Variants in ZMAT1 observed in about 807,000 individuals in gnomAD.
The protein encoded by ZMAT1 is zinc finger matrin-type 1, also known as zinc finger matrin-type protein 1.
In ZMAT1, 11 loss-of-function variants were observed where a neutral mutation model predicts 18.5. That is an observed-to-expected ratio of 0.59 (90% confidence interval 0.37 to 0.98). The LOEUF (loss-of-function observed/expected upper bound fraction) is 0.98, where lower values mean the gene tolerates loss of function less well. Ranked by LOEUF, ZMAT1 falls within the 50% of genes least tolerant of loss-of-function variation. The pLI, the probability that ZMAT1 is intolerant of heterozygous loss-of-function variation, is 0.01. For synonymous variants in ZMAT1, 211 were observed against 176.4 expected (o/e 1.20, Z -1.55); for missense variants, 525 against 496.2 (o/e 1.06, Z -0.55).
chrX:101,921,054 T>C (rs946970489), intron 1 of ZMAT1, among the ~76,000 whole-genome samples: 16 of 111,323 alleles, frequency 1.4e-4, no homozygotes, highest in African/African-American at 5.2e-4. Context: ...TAAATGTACA[T>C]CTTTTTTGCA....
intron 1 of ZMAT1, among the ~76,000 whole-genome samples, chrX:101,907,919 G>GTGCCTA (rs1928726214): frequency 9.0e-6 from 1 of 111,452 alleles, no homozygotes; most frequent in Non-Finnish European, 1.9e-5. Flanking sequence ...CAGAGCAGGA[G>GTGCCTA]TACCTATACC....
At chrX:101,918,837 G>GA (rs1311197286) in intron 1 of ZMAT1, among the ~76,000 whole-genome samples, 1 of 109,841 alleles carries the variant, frequency 9.1e-6, no homozygotes, top group Non-Finnish European at 1.9e-5. Flanking sequence ...GTCAAAGTTT[G>GA]AAACTGACAC....
Position 101,931,910 on chromosome X carries a change from G to A in ZMAT1, c.99C>T (p.Cys33=). The A allele has an allele frequency of 1.2e-6, 1 of 800,407 alleles. No individual in the cohort carries two copies. The highest frequency in any genetic ancestry group is 1.5e-6 in the Non-Finnish European group (1 of 671,926). The allele number at this position is 800,407 out of a possible 1,213,427, so 66.0% of individuals were successfully genotyped here. The change falls in exon 1 of 6, where the codon TGC becomes TGT. Residue 33 remains cysteine (C), a synonymous_variant. Coordinates refer to ENST00000651725, the MANE Select transcript of ZMAT1 (RefSeq NM_001394560.1). The part of the protein sequence containing the change: ...SAASSSSYTA[C]AAAAAAAAAA... The stretch of plus-strand genomic sequence containing the variant: ...CCGCCGCCGCCGCCGCCGCTGCCGC[G>A]CAGGCGGTGTAGGAGGAGGAGGAGG...
At chrX:101,927,368 T>C (rs1037904528) in intron 1 of ZMAT1, among the ~76,000 whole-genome samples, 4 of 112,124 alleles carry the variant, frequency 3.6e-5, no homozygotes, top group South Asian at 7.4e-4. Context: ...CTCAGCATGA[T>C]GACCACTCAC....
At chrX:101,885,048 C>G (rs1021957890) in intron 5 of ZMAT1, among the ~76,000 whole-genome samples, 2 of 111,104 alleles carry the variant, frequency 1.8e-5, no homozygotes, top group African/African-American at 6.5e-5. Flanking sequence ...TCATGACTTT[C>G]TATGCCCCCC....
chrX:101,884,825 T>C lies in ZMAT1; in HGVS notation c.777-4A>G, dbSNP rs765537721. ...TAGATTGATAACAATGGATTCTCTG[T>C]AAAGAAGACAGTAGAAAATTGTTAT... On this transcript the variant is annotated splice_region_variant and splice_polypyrimidine_tract_variant and intron_variant, in intron 5 of 5. Coordinates refer to ENST00000651725, the MANE Select transcript of ZMAT1 (RefSeq NM_001394560.1). The C allele has an allele frequency of 1.9e-6, 2 of 1,027,668 alleles. No individual in the cohort carries two copies. Among genetic ancestry groups the C allele is most frequent in the Non-Finnish European group, 2.7e-6 (2 of 748,562 alleles). 84.7% of individuals were successfully genotyped at this position (1,027,668 alleles called of 1,213,427 possible). A position where few individuals can be genotyped will look rare whatever the true frequency, so the allele number is the denominator to read the frequency against.
chrX:101,931,877 TGCCGCCGCCGCCGCCGCCGCC>T lies in ZMAT1; in HGVS notation c.111_131del (p.Ala38_Ala44del). On this transcript the variant is annotated inframe_deletion, in exon 1 of 6. Transcript: ENST00000651725. ...TGGCGGAGGAGGCAGGAACAATTACTGCCGCCGCCGCCGCCGCCGCCGCCGCTGCCGCGCAGGCGGTGTAGG... is the reference window on the plus strand; with the variant it reads ...TGGCGGAGGAGGCAGGAACAATTACTGCCGCTGCCGCGCAGGCGGTGTAGG... 1.3e-6 allele frequency: 1 copy of T among 795,730 alleles called. No individual in the cohort carries two copies. The highest frequency in any genetic ancestry group is 1.5e-6 in the Non-Finnish European group (1 of 669,678). 65.6% of individuals were successfully genotyped at this position (795,730 alleles called of 1,213,427 possible).
intron 1 of ZMAT1, among the ~76,000 whole-genome samples, chrX:101,927,882 T>C (rs1364406147): frequency 1.8e-5 from 2 of 112,437 alleles, no homozygotes; most frequent in African/African-American, 3.2e-5. Context: ...AGTTAGTCTT[T>C]ACAACAAGCT....
intron 1 of ZMAT1, among the ~76,000 whole-genome samples, chrX:101,928,048 A>G (rs1393748331): frequency 8.9e-6 from 1 of 112,295 alleles, no homozygotes; most frequent in African/African-American, 3.2e-5. Flanking sequence ...CATTAGATTT[A>G]CAGTATAATT....
At position 101,883,750 on chromosome X, in the gene ZMAT1, A is replaced by G; in HGVS notation, c.1848T>C (p.His616=). The G allele has an allele frequency of 9.2e-6, 11 of 1,201,878 alleles. No individual in the cohort carries two copies. The highest frequency in any genetic ancestry group is 1.2e-5 in the Non-Finnish European group (11 of 892,444). ...TATCTTCATAACTCTTTTTCCTTTT[A>G]TGCTTGGACTGCTCTTTCTCTGGCC... is the stretch of plus-strand genomic sequence containing the variant. ...KERPEKEQSK[H]KRKKSYEDTD... The change falls in exon 6 of 6, where the codon CAT becomes CAC. Residue 616 remains histidine, a synonymous_variant. Coordinates refer to ENST00000651725, the MANE Select transcript of ZMAT1 (RefSeq NM_001394560.1).
At chrX:101,911,514 C>T in intron 1 of ZMAT1, 1 of 959,888 alleles carries the variant, frequency 1.0e-6, no homozygotes, top group Non-Finnish European at 1.4e-6. Flanking sequence ...GTAAAAACAA[C>T]AAAAAGTTAA....
intron 1 of ZMAT1, among the ~76,000 whole-genome samples, chrX:101,917,785 G>A (rs766465872): frequency 6.5e-4 from 73 of 112,536 alleles, no homozygotes; most frequent in African/African-American, 2.2e-3. Context: ...GGAAGCAACC[G>A]AAGTGTCCAC....
At position 101,884,127 on chromosome X, in the gene ZMAT1, T is replaced by C. The variant is rs746212985; in HGVS notation, c.1471A>G (p.Arg491Gly). 3 of 1,210,078 alleles carry C rather than the reference T, an allele frequency of 2.5e-6. No individual in the cohort carries two copies. In the Admixed American group the frequency reaches 6.5e-5, roughly 26 times the overall value. Residue 491 changes from arginine (R) to glycine (G), a missense_variant, in exon 6 of 6, where the codon AGA becomes GGA. By Grantham distance (125) the Arg-to-Gly change is moderately radical. Coordinates refer to ENST00000651725, the MANE Select transcript of ZMAT1 (RefSeq NM_001394560.1). ...TGCTCCAACATTCTATGTCTGGGTCTGACATCAACCATTTCTCTGTTCCTG... is the reference window on the plus strand; with the variant it reads ...TGCTCCAACATTCTATGTCTGGGTCCGACATCAACCATTTCTCTGTTCCTG... ...THRNREMVDV[R>G]PRHRMLEQKL...
At position 101,897,997 on chromosome X, in the gene ZMAT1, A is replaced by G. The variant is rs1402201526; in HGVS notation, c.547T>C (p.Cys183Arg). 2 of 1,211,760 alleles carry G rather than the reference A, an allele frequency of 1.7e-6. No individual in the cohort carries two copies. The highest frequency in any genetic ancestry group is 2.2e-6 in the Non-Finnish European group (2 of 895,483). The change falls in exon 4 of 6, where the codon TGC (cysteine) becomes CGC (arginine). Residue 183 changes from cysteine to arginine, a missense_variant. Transcript: ENST00000651725. ...GVDKNKFCDL[C>R]NMMFSSPLIA... ...AGTGGAGAGCTAAACATCATGTTGC[A>G]GAGATCACAAAATTTGTTTTTGTCC...
At position 101,905,664 on chromosome X, in the gene ZMAT1, G is replaced by C. The variant is rs367767889; in HGVS notation, c.293-1334C>G. Among the ~76,000 whole-genome samples the C allele has an allele frequency of 2.7e-5, 3 of 111,711 alleles. No individual in the cohort carries two copies. In the South Asian group the frequency reaches 1.1e-3, roughly 42 times the overall value. ...AATTTAAAAATGGTTAACTCTGGTA[G>C]GTAGGCCTAGAAAAGGAACAAGGAG... On this transcript the variant is annotated intron_variant, in intron 1 of 5. Coordinates refer to ENST00000651725, the MANE Select transcript of ZMAT1 (RefSeq NM_001394560.1).
chrX:101,931,197 C>T (rs2147700761), intron 1 of ZMAT1, among the ~76,000 whole-genome samples: 1 of 112,072 alleles, frequency 8.9e-6, no homozygotes, highest in East Asian at 2.8e-4. Context: ...TGTAAATATT[C>T]TACTTCTAGT....
intron 1 of ZMAT1, among the ~76,000 whole-genome samples, chrX:101,921,841 A>C (rs1352840745): frequency 9.0e-6 from 1 of 111,144 alleles, no homozygotes; most frequent in East Asian, 2.8e-4. Context: ...TTGAGTATTT[A>C]TCTTCTATTA....
At chrX:101,910,907 T>A (rs1270349696) in intron 1 of ZMAT1, among the ~76,000 whole-genome samples, 4 of 111,413 alleles carry the variant, frequency 3.6e-5, no homozygotes, top group Admixed American at 9.5e-5. Flanking sequence ...GATAAAGATA[T>A]CAATATCCAA....
rs755859102 is a variant in ZMAT1 at position 101,902,920 on chromosome X, A to ATG, written c.399+1302_399+1303dup. ...CTTTTTTGTAAAAATGCATGTGTAT[A>ATG]TGTGTGTGTGTGTGTTCAGAAATCA... On this transcript the variant is annotated intron_variant, in intron 2 of 5. Coordinates refer to ENST00000651725, the MANE Select transcript of ZMAT1 (RefSeq NM_001394560.1). Among the ~76,000 whole-genome samples the ATG allele has an allele frequency of 3.6e-4, 40 of 110,866 alleles. 3 individuals are homozygous for ATG. Among genetic ancestry groups the ATG allele is most frequent in the East Asian group, 2.0e-3 (7 of 3,563 alleles).
Sources: allele counts gnomAD v4.1 joint callset (sites outside exome capture counted in the v4.1 genomes callset), GRCh38; gene constraint gnomAD v4.1.1; transcripts MANE v1.5; gene names NCBI Gene and HGNC (gene_info 2026-07-23, HGNC 2026-07-21).